Variants in DCC observed in about 807,000 individuals in gnomAD.
The protein encoded by DCC is DCC netrin 1 receptor, also known as netrin receptor DCC.
In DCC, 58 loss-of-function variants were observed where a neutral mutation model predicts 172.5. That is an observed-to-expected ratio of 0.34 (90% CI 0.27 to 0.42). The LOEUF (loss-of-function observed/expected upper bound fraction) is 0.42, where lower values mean the gene tolerates loss of function less well. Among genes scored for constraint, DCC ranks in the 10% least tolerant of loss-of-function variants. The pLI, the probability that DCC is intolerant of heterozygous loss-of-function variation, is 1.00. For synonymous variants in DCC, 709 were observed against 644.5 expected, an observed-to-expected ratio of 1.10 and a Z score of -1.52; for missense variants, 1,740 against 1,791.0, an observed-to-expected ratio of 0.97 and a Z score of 0.51.
At chr18:52,622,513 G>C (rs907861947) in intron 1 of DCC, among the ~76,000 whole-genome samples, 3 of 152,268 alleles carry the variant, frequency 2.0e-5, no homozygotes, top group African/African-American at 7.2e-5. Context: ...TCTATTAAAA[G>C]ACTTATCGAC....
intron 27 of DCC, among the ~76,000 whole-genome samples, chr18:53,522,618 G>A (rs578148929): frequency 2.6e-5 from 4 of 152,076 alleles, no homozygotes; most frequent in South Asian, 2.1e-4. Flanking sequence ...ATCACCACAC[G>A]CCTACAACCA....
At chr18:52,341,920 A>C (rs1983654080) in intron 1 of DCC, among the ~76,000 whole-genome samples, 1 of 152,084 alleles carries the variant, frequency 6.6e-6, no homozygotes, top group Admixed American at 6.5e-5. Context: ...CCAAATCCAA[A>C]GGAAAAACAG....
rs577300072 is a variant in DCC at position 52,591,783 on chromosome 18, A to C, written c.92-160271A>C. 1.4e-3 allele frequency among the ~76,000 whole-genome samples: 162 copies of C among 116,908 alleles called. 4 individuals are homozygous for C. The South Asian group carries it at 0.023, about 16-fold the overall frequency. 76.7% of individuals were successfully genotyped at this position (116,908 alleles called of 152,430 possible). On this transcript the variant is annotated intron_variant, in intron 1 of 28. Coordinates refer to ENST00000442544, the MANE Select transcript of DCC (RefSeq NM_005215.4). Reference sequence around the variant, plus strand: ...TTTTTTTGTTTTTCTTTCTTTATTTATTTCTTTTTTTTTTTTTTTTCGGTA... The same window carrying C: ...TTTTTTTGTTTTTCTTTCTTTATTTCTTTCTTTTTTTTTTTTTTTTCGGTA...
chr18:52,578,701 A>T (rs1466550229), intron 1 of DCC, among the ~76,000 whole-genome samples: 1 of 152,216 alleles, frequency 6.6e-6, no homozygotes, highest in Non-Finnish European at 1.5e-5. Flanking sequence ...TTAAAAGTGT[A>T]TTCCAAAACA....
intron 2 of DCC, among the ~76,000 whole-genome samples, chr18:52,824,909 G>A (rs1361215739): frequency 6.6e-6 from 1 of 152,014 alleles, no homozygotes; most frequent in Non-Finnish European, 1.5e-5. Context: ...CACAGAGGTT[G>A]CAGTGAGCCA....
At chr18:52,875,702 G>A (rs2039393315) in intron 2 of DCC, among the ~76,000 whole-genome samples, 1 of 152,176 alleles carries the variant, frequency 6.6e-6, no homozygotes, top group Non-Finnish European at 1.5e-5. Flanking sequence ...GGAGGCTTCT[G>A]TATTTTGCAG....
intron 1 of DCC, among the ~76,000 whole-genome samples, chr18:52,721,406 G>A (rs2059850048): frequency 6.6e-6 from 1 of 152,118 alleles, no homozygotes; most frequent in African/African-American, 2.4e-5. Flanking sequence ...TGCCTAACAG[G>A]ACAGTGAGGG....
intron 5 of DCC, among the ~76,000 whole-genome samples, chr18:52,930,564 G>T (rs2040292391): frequency 1.3e-5 from 2 of 152,186 alleles, no homozygotes; most frequent in East Asian, 1.9e-4. Flanking sequence ...CCTTCAGAGT[G>T]CATTTTCCCC....
At chr18:52,877,809 A>AC (rs2039425448) in intron 2 of DCC, among the ~76,000 whole-genome samples, 1 of 27,110 alleles carries the variant, frequency 3.7e-5, no homozygotes, top group African/African-American at 6.9e-5. Flanking sequence ...AAGTCATGAG[A>AC]TTAAAAAAAA....
At chr18:52,422,190 C>G (rs1987272689) in intron 1 of DCC, among the ~76,000 whole-genome samples, 1 of 152,114 alleles carries the variant, frequency 6.6e-6, no homozygotes, top group African/African-American at 2.4e-5. Flanking sequence ...TGAATGGACA[C>G]AAATGACAAA....
chr18:53,405,265 A>C lies in DCC; in HGVS notation c.2935+2372A>C, dbSNP rs1214022790. Among the ~76,000 whole-genome samples, 3 of 151,562 alleles carry C rather than the reference A, an allele frequency of 2.0e-5. No homozygotes were observed. The East Asian group carries it at 5.8e-4, about 29-fold the overall frequency. On this transcript the variant is annotated intron_variant, in intron 19 of 28. Transcript: ENST00000442544. ...GTGTGCCAAGGAGGGATGTGCTCTC[A>C]TGTAACCTCTGTATTGTTTTGTTTT...
Position 52,731,252 on chromosome 18 carries a change from G to T in DCC, c.92-20802G>T, listed in dbSNP as rs568192823. On this transcript the variant is annotated intron_variant, in intron 1 of 28. Transcript: ENST00000442544. ...AATACATGCAAATGTGAGAGTATGT[G>T]TTTGATTGGGAGGTGAGAGAACAAA... is the stretch of plus-strand genomic sequence containing the variant. 9.2e-5 allele frequency among the ~76,000 whole-genome samples: 14 copies of T among 152,308 alleles called. No homozygotes were observed. In the South Asian group the frequency reaches 2.9e-3, roughly 32 times the overall value.
intron 23 of DCC, among the ~76,000 whole-genome samples, chr18:53,458,884 G>A (rs2045514867): frequency 1.3e-5 from 2 of 152,138 alleles, no homozygotes; most frequent in African/African-American, 2.4e-5. Context: ...CTAAACAGAT[G>A]TTGCCATCAG....
At chr18:52,430,783 C>T (rs1333340521) in intron 1 of DCC, among the ~76,000 whole-genome samples, 1 of 152,074 alleles carries the variant, frequency 6.6e-6, no homozygotes, top group Non-Finnish European at 1.5e-5. Context: ...AAATAATGCA[C>T]ATAGTGAATT....
intron 5 of DCC, chr18:52,934,666 C>A (rs1260634474): frequency 6.6e-6 from 1 of 152,116 alleles, no homozygotes; most frequent in East Asian, 1.9e-4. Flanking sequence ...TCCTAACCCC[C>A]AATGTGACTG....
chr18:53,181,423 T>TC lies in DCC; in HGVS notation c.1573+2307_1573+2308insC, dbSNP rs1254527767. Among the ~76,000 whole-genome samples the TC allele has an allele frequency of 1.8e-4, 27 of 151,708 alleles. 1 individual carries two copies. The highest frequency in any genetic ancestry group is 1.8e-3 in the Admixed American group (27 of 15,230). ...TAAAATTTTACTTCTTTTTTTTTTT[T>TC]TTTTAACACCAACGTTCCCAAGCCA... is the stretch of plus-strand genomic sequence containing the variant. On this transcript the variant is annotated intron_variant, in intron 9 of 28. Transcript: ENST00000442544.
chr18:53,194,357 AG>A (rs1313785877), intron 9 of DCC, among the ~76,000 whole-genome samples: 1 of 152,140 alleles, frequency 6.6e-6, no homozygotes, highest in Non-Finnish European at 1.5e-5. Context: ...GGAGGTTAAA[AG>A]GCTCCATTTA....
chr18:52,920,906 G>GA (rs1218391211), intron 3 of DCC, among the ~76,000 whole-genome samples: 8 of 152,112 alleles, frequency 5.3e-5, no homozygotes, highest in African/African-American at 1.9e-4. Context: ...ATTGCTGTGA[G>GA]AAAAAAGCCA....
chr18:52,375,998 A>C (rs1985329731), intron 1 of DCC, among the ~76,000 whole-genome samples: 1 of 152,226 alleles, frequency 6.6e-6, no homozygotes, highest in African/African-American at 2.4e-5. Flanking sequence ...TGAGAAAACA[A>C]CACTACATGC....
Sources: allele counts gnomAD v4.1 joint callset (sites outside exome capture counted in the v4.1 genomes callset), GRCh38; gene constraint gnomAD v4.1.1; transcripts MANE v1.5; gene names NCBI Gene and HGNC (gene_info 2026-07-23, HGNC 2026-07-21).